Variants in PSD3 observed in about 807,000 individuals in gnomAD.
PSD3 encodes pleckstrin and Sec7 domain containing 3, also known as PH and SEC7 domain-containing protein 3.
Under a neutral mutation model 105.5 loss-of-function variants are expected in PSD3, and 49 were observed. The observed-to-expected ratio is 0.46, with a 90% CI of 0.37 to 0.59. PSD3 has a LOEUF of 0.59. Among genes scored for constraint, PSD3 ranks in the 20% least tolerant of loss-of-function variants. The pLI is 0.00. For missense variants in PSD3, 1,561 were observed against 1,263.8 expected, an observed-to-expected ratio of 1.24 and a Z score of -3.57; for synonymous variants, 557 against 457.8, an observed-to-expected ratio of 1.22 and a Z score of -2.77.
chr8:18,629,311 T>C (rs1306947044), intron 11 of PSD3, among the ~76,000 whole-genome samples: 1 of 151,986 alleles, frequency 6.6e-6, no homozygotes, highest in African/African-American at 2.4e-5. Flanking sequence ...GTTAAAGATA[T>C]ATTTAGCATA....
chr8:18,941,916 G>A (rs1405605609), intron 1 of PSD3, among the ~76,000 whole-genome samples: 2 of 151,922 alleles, frequency 1.3e-5, no homozygotes, highest in South Asian at 2.1e-4. Context: ...CAGGTGATCC[G>A]CCCGCCTCGG....
In PSD3 at chr8:18,949,740, AAC is replaced by A. The variant is rs532054849; in HGVS notation, c.22-13600_22-13599del. 3.1e-3 allele frequency among the ~76,000 whole-genome samples: 478 copies of A among 152,290 alleles called. 2 individuals carry two copies. Among genetic ancestry groups the A allele is most frequent in the African/African-American group, 0.011 (458 of 41,574 alleles). On this transcript the variant is annotated intron_variant, in intron 1 of 15. Coordinates refer to ENST00000327040, the MANE Select transcript of PSD3 (RefSeq NM_015310.4). ...TAAACTGAGCTCAGAGCATCTACAA[AAC>A]ACATGTCTGTAAGGACAAGGTAAAG... is the stretch of plus-strand genomic sequence containing the variant.
intron 11 of PSD3, among the ~76,000 whole-genome samples, chr8:18,620,305 G>A (rs1008578854): frequency 5.0e-4 from 74 of 148,538 alleles, no homozygotes; most frequent in African/African-American, 1.8e-3. Context: ...TAACCTGACT[G>A]TCTCGGGACT....
At chr8:18,623,294 C>G (rs1806249997) in intron 11 of PSD3, among the ~76,000 whole-genome samples, 1 of 151,642 alleles carries the variant, frequency 6.6e-6, no homozygotes, top group African/African-American at 2.4e-5. Flanking sequence ...TCCATGCAAT[C>G]AGATGTTCTA....
intron 1 of PSD3, among the ~76,000 whole-genome samples, chr8:19,071,624 T>A (rs2129477950): frequency 6.6e-6 from 1 of 152,324 alleles, no homozygotes; most frequent in South Asian, 2.1e-4. Flanking sequence ...GGCAGCACCC[T>A]GAAATAAGGG....
intron 11 of PSD3, among the ~76,000 whole-genome samples, chr8:18,622,062 C>A (rs1259933742): frequency 6.6e-6 from 1 of 152,156 alleles, no homozygotes; most frequent in African/African-American, 2.4e-5. Context: ...CCAACCTTGT[C>A]AAGGTGCTCC....
rs143901901 is a variant in PSD3 at position 18,772,729 on chromosome 8, C to T, written c.2083-7191G>A. ...TTTACCATGTTGCACAGGCTGGTCT[C>T]GAACCCTTGACCTCAGGTGATCTGC... On this transcript the variant is annotated intron_variant, in intron 8 of 15. Coordinates refer to ENST00000327040, the MANE Select transcript of PSD3 (RefSeq NM_015310.4). Among the ~76,000 whole-genome samples the T allele has an allele frequency of 4.8e-3, 734 of 152,200 alleles. 24 individuals carry two copies. The highest frequency in any genetic ancestry group is 0.035 in the Admixed American group (535 of 15,278).
chr8:18,851,374 T>C (rs76661063), intron 4 of PSD3, among the ~76,000 whole-genome samples: 1 of 152,120 alleles, frequency 6.6e-6, no homozygotes, highest in Admixed American at 6.5e-5. Flanking sequence ...AATATAACAA[T>C]AGACCAAAGG....
chr8:19,081,753 A>C (rs940204012), intron 1 of PSD3, among the ~76,000 whole-genome samples: 2 of 152,176 alleles, frequency 1.3e-5, no homozygotes, highest in Admixed American at 1.3e-4. Flanking sequence ...GTGATGTTTC[A>C]TCACTGAGAG....
intron 9 of PSD3, among the ~76,000 whole-genome samples, chr8:18,711,604 T>C (rs1268700656): frequency 2.6e-5 from 4 of 152,174 alleles, no homozygotes; most frequent in Non-Finnish European, 5.9e-5. Context: ...ATGCACCTAA[T>C]ACAGGAGCAT....
chr8:18,656,084 G>A (rs1468472302), intron 9 of PSD3, among the ~76,000 whole-genome samples: 2 of 152,098 alleles, frequency 1.3e-5, no homozygotes, highest in African/African-American at 4.8e-5. Context: ...TTCAGACGGA[G>A]TCTCACTCCA....
intron 8 of PSD3, among the ~76,000 whole-genome samples, chr8:18,770,456 T>C (rs928752745): frequency 2.0e-5 from 3 of 152,238 alleles, no homozygotes; most frequent in Admixed American, 6.5e-5. Context: ...CTTGATGATG[T>C]CCTTTTGAAG....
chr8:18,821,903 A>C (rs1380048146), intron 4 of PSD3, among the ~76,000 whole-genome samples: 2 of 106,716 alleles, frequency 1.9e-5, no homozygotes, highest in Non-Finnish European at 4.2e-5. Flanking sequence ...CACACACACA[A>C]ATGGTTGCTT....
chr8:18,798,557 T>G (rs1465422627), intron 8 of PSD3, among the ~76,000 whole-genome samples: 1 of 152,174 alleles, frequency 6.6e-6, no homozygotes, highest in Non-Finnish European at 1.5e-5. Context: ...AATTTTTAAA[T>G]TGTAAGATAT....
chr8:18,802,427 C>T, intron 6 of PSD3: 1 of 325,038 alleles, frequency 3.1e-6, no homozygotes, highest in Non-Finnish European at 6.5e-6. Flanking sequence ...AAAAACATAC[C>T]ATGAGCCTCA....
At chr8:18,921,846 C>A (rs1821043274) in intron 2 of PSD3, among the ~76,000 whole-genome samples, 2 of 152,136 alleles carry the variant, frequency 1.3e-5, no homozygotes, top group South Asian at 2.1e-4. Flanking sequence ...GAGTGGTGAC[C>A]AAGTACCTGT....
chr8:18,576,025 G>A (rs1034759088), intron 12 of PSD3, among the ~76,000 whole-genome samples: 4 of 151,844 alleles, frequency 2.6e-5, no homozygotes, highest in Non-Finnish European at 5.9e-5. Context: ...GTGTACCCCC[G>A]AACACACACA....
At chr8:19,080,723 G>A (rs965022482) in intron 1 of PSD3, among the ~76,000 whole-genome samples, 8 of 152,106 alleles carry the variant, frequency 5.3e-5, no homozygotes, top group Admixed American at 1.3e-4. Context: ...GAGGACCAAC[G>A]GTGAGGTAGG....
intron 4 of PSD3, among the ~76,000 whole-genome samples, chr8:18,811,277 T>G: frequency 6.6e-6 from 1 of 152,168 alleles, no homozygotes; most frequent in East Asian, 1.9e-4. Context: ...CTCCAATGCT[T>G]TACTACTTTT....
Sources: gnomAD v4.1 joint callset for allele counts (sites outside exome capture counted in the v4.1 genomes callset) on GRCh38, gnomAD v4.1.1 for gene constraint, MANE v1.5 for transcripts, NCBI Gene and HGNC (gene_info 2026-07-23, HGNC 2026-07-21) for gene names.